The following PTN variants were observed in gnomAD, a reference collection of about 807,000 sequenced individuals.
The protein encoded by PTN is pleiotrophin.
A neutral mutation model predicts 24.1 loss-of-function variants in PTN; 18 were observed. That is an observed-to-expected ratio of 0.75 (90% CI 0.52 to 1.11). The LOEUF (loss-of-function observed/expected upper bound fraction) is 1.11, where lower values mean the gene tolerates loss of function less well. PTN is among the 50% of genes least tolerant of loss of function. PTN has a pLI of 0.00. For missense variants in PTN, 163 were observed against 198.8 expected (o/e 0.82, Z 1.08); for synonymous variants, 78 against 68.6 (o/e 1.14, Z -0.67).
intron 1 of PTN, among the ~76,000 whole-genome samples, chr7:137,283,138 A>G (rs1199954874): frequency 6.6e-6 from 1 of 152,198 alleles, no homozygotes; most frequent in African/African-American, 2.4e-5. Context: ...AAGTGTCCAC[A>G]TGGGTACTAA....
chr7:137,261,609 T>C lies in PTN; in HGVS notation c.-1-6635A>G, dbSNP rs1191820321. On this transcript the variant is annotated intron_variant, in intron 1 of 4. Coordinates refer to ENST00000348225, the MANE Select transcript of PTN (RefSeq NM_002825.7). ...AAATCGCTGAGAAAAGGTAAATAAA[T>C]AGGAGAAATGGCATATAAATTTATT... Among the ~76,000 whole-genome samples, 4 of 152,118 alleles carry C rather than the reference T, an allele frequency of 2.6e-5. No individual in the cohort carries two copies. The East Asian group carries it at 7.7e-4, about 29-fold the overall frequency.
chr7:137,283,580 T>C (rs1162229652), intron 1 of PTN, among the ~76,000 whole-genome samples: 2 of 152,274 alleles, frequency 1.3e-5, no homozygotes, highest in African/African-American at 4.8e-5. Flanking sequence ...ACTAGAACAT[T>C]ACATGAGGTT....
At chr7:137,305,989 T>C (rs1195592857) in intron 1 of PTN, among the ~76,000 whole-genome samples, 3 of 151,946 alleles carry the variant, frequency 2.0e-5, no homozygotes, top group African/African-American at 7.2e-5. Flanking sequence ...CTTCCTTACC[T>C]CCTCCCCTTA....
intron 4 of PTN, among the ~76,000 whole-genome samples, chr7:137,235,798 T>C (rs1469657455): frequency 6.6e-6 from 1 of 152,180 alleles, no homozygotes; most frequent in African/African-American, 2.4e-5. Context: ...TTCATAGCAA[T>C]ACCTTCTACT....
At position 137,254,915 on chromosome 7, in the gene PTN, A is replaced by G. The variant is rs1169467568; in HGVS notation, c.59T>C (p.Phe20Ser). ...RRKFAAAFLA[F>S]IFILAAVDTA... ...ATCCACAGCTGCCAGTATGAAAATGAATGCCAAGAAGGCAGCTGCAAATTT... is the reference window on the plus strand; with the variant it reads ...ATCCACAGCTGCCAGTATGAAAATGGATGCCAAGAAGGCAGCTGCAAATTT... The change falls in exon 2 of 5, where the codon TTC becomes TCC. Residue 20 changes from phenylalanine to serine, a missense_variant. By Grantham distance (155) the Phe-to-Ser change is radical (BLOSUM62 -2). Coordinates refer to ENST00000348225, the MANE Select transcript of PTN (RefSeq NM_002825.7). 2 of 1,583,152 alleles carry G rather than the reference A, an allele frequency of 1.3e-6. No homozygotes were observed. Among genetic ancestry groups the G allele is most frequent in the Admixed American group, 1.7e-5 (1 of 59,790 alleles).
At chr7:137,299,961 T>C (rs755332883) in intron 1 of PTN, among the ~76,000 whole-genome samples, 8 of 151,886 alleles carry the variant, frequency 5.3e-5, no homozygotes, top group Non-Finnish European at 1.2e-4. Context: ...AGGTTTAAAA[T>C]TCTTTCACGG....
At chr7:137,295,295 T>TA (rs1179553091) in intron 1 of PTN, among the ~76,000 whole-genome samples, 1 of 152,182 alleles carries the variant, frequency 6.6e-6, no homozygotes, top group Non-Finnish European at 1.5e-5. Context: ...TGTTCTTTTT[T>TA]ATTGCTTGGA....
chr7:137,294,721 G>T (rs184778297), intron 1 of PTN, among the ~76,000 whole-genome samples: 1 of 152,198 alleles, frequency 6.6e-6, no homozygotes, highest in African/African-American at 2.4e-5. Context: ...TGTGGCATGT[G>T]TATTTGTACA....
At chr7:137,233,802 C>T (rs762873561) in intron 4 of PTN, among the ~76,000 whole-genome samples, 4 of 151,644 alleles carry the variant, frequency 2.6e-5, no homozygotes, top group Non-Finnish European at 5.9e-5. Context: ...GAGGGTTTCT[C>T]CTCTTGGGGT....
intron 1 of PTN, among the ~76,000 whole-genome samples, chr7:137,275,434 G>A (rs189485629): frequency 7.2e-5 from 11 of 152,232 alleles, no homozygotes; most frequent in Admixed American, 7.2e-4. Flanking sequence ...CAAGTTATGA[G>A]GGAGATACAG....
At chr7:137,309,364 G>T (rs1234358444) in intron 1 of PTN, among the ~76,000 whole-genome samples, 1 of 152,184 alleles carries the variant, frequency 6.6e-6, no homozygotes, top group Non-Finnish European at 1.5e-5. Context: ...AGAGGGTCTT[G>T]CCTAGATGTT....
intron 1 of PTN, among the ~76,000 whole-genome samples, chr7:137,274,684 C>T (rs2128874915): frequency 6.6e-6 from 1 of 152,158 alleles, no homozygotes; most frequent in African/African-American, 2.4e-5. Flanking sequence ...ACATTAGGTA[C>T]TCAAAAAATA....
chr7:137,320,369 C>T (rs142753246), intron 1 of PTN, among the ~76,000 whole-genome samples: 1 of 150,980 alleles, frequency 6.6e-6, no homozygotes, highest in Admixed American at 6.6e-5. Context: ...AATGAAGACT[C>T]CATTTTCTAA....
rs1808354569 is a variant in PTN at position 137,227,583 on chromosome 7, G to C, written c.*437C>G. On this transcript the variant is annotated 3_prime_UTR_variant, in exon 5 of 5. Transcript: ENST00000348225. ...AAACAAGATATTTTCTTCAAATAGA[G>C]TGATTATGTTTTATTGCTATTTTGT... The C allele has an allele frequency of 6.6e-6, 1 of 152,030 alleles. No individual in the cohort carries two copies. Among genetic ancestry groups the C allele is most frequent in the African/African-American group, 2.4e-5 (1 of 41,244 alleles). 9.4% of individuals were successfully genotyped at this position (152,030 alleles called of 1,614,324 possible).
At chr7:137,259,042 C>A (rs1029688086) in intron 1 of PTN, among the ~76,000 whole-genome samples, 1 of 152,060 alleles carries the variant, frequency 6.6e-6, no homozygotes, top group Non-Finnish European at 1.5e-5. Context: ...GACTTAATTG[C>A]ATATTAACAA....
At chr7:137,336,450 A>G (rs1369206403) in intron 1 of PTN, among the ~76,000 whole-genome samples, 1 of 152,096 alleles carries the variant, frequency 6.6e-6, no homozygotes, top group African/African-American at 2.4e-5. Flanking sequence ...TTGGATTGGG[A>G]GTCTTCTGTA....
intron 1 of PTN, among the ~76,000 whole-genome samples, chr7:137,258,086 T>A (rs1158805146): frequency 1.3e-5 from 2 of 152,212 alleles, no homozygotes; most frequent in African/African-American, 4.8e-5. Context: ...CTTGTTTTCA[T>A]CGTTATTTTC....
At chr7:137,253,712 G>A (rs1808869573) in intron 2 of PTN, 75 bp from the exon 3 acceptor site, 2 of 1,248,674 alleles carry the variant, frequency 1.6e-6, no homozygotes, top group African/African-American at 1.5e-5. Flanking sequence ...GTTCATTCCT[G>A]AGCACCTTAA....
At position 137,261,731 on chromosome 7, in the gene PTN, T is replaced by C. The variant is rs77485971; in HGVS notation, c.-1-6757A>G. ...TTTTATGCCTAGGCTCAACAAAATATGGACAGCTGTGTAGAAGTATGATTA... is the reference window on the plus strand; with the variant it reads ...TTTTATGCCTAGGCTCAACAAAATACGGACAGCTGTGTAGAAGTATGATTA... On this transcript the variant is annotated intron_variant, in intron 1 of 4. Coordinates refer to ENST00000348225, the MANE Select transcript of PTN (RefSeq NM_002825.7). Among the ~76,000 whole-genome samples the C allele has an allele frequency of 3.1e-3, 479 of 152,272 alleles. 2 individuals are homozygous for C. The highest frequency in any genetic ancestry group is 5.0e-3 in the Non-Finnish European group (337 of 68,026).
Sources: gnomAD v4.1 joint callset for allele counts (sites outside exome capture counted in the v4.1 genomes callset) on GRCh38, gnomAD v4.1.1 for gene constraint, MANE v1.5 for transcripts, NCBI Gene and HGNC (gene_info 2026-07-23, HGNC 2026-07-21) for gene names.